The following PCDH15 variants were observed in gnomAD, a reference collection of about 807,000 sequenced individuals.
The protein encoded by PCDH15 is protocadherin-15.
PCDH15 carries 129 observed loss-of-function variants against 178.5 expected under a neutral mutation model. The ratio of observed to expected loss-of-function variants is 0.72; its 90% CI spans 0.63 to 0.84. The LOEUF (loss-of-function observed/expected upper bound fraction) is 0.84, where lower values mean the gene tolerates loss of function less well. Ranked by LOEUF, PCDH15 falls within the 40% of genes least tolerant of loss-of-function variation. PCDH15 has a pLI of 0.00. For missense variants in PCDH15, 2,230 were observed against 2,099.9 expected (o/e 1.06, Z -1.21); for synonymous variants, 800 against 732.0 (o/e 1.09, Z -1.50).
chr10:54,896,663 A>G (rs1016754658), intron 3 of PCDH15, among the ~76,000 whole-genome samples: 92 of 152,236 alleles, frequency 6.0e-4, no homozygotes, highest in African/African-American at 2.2e-3. Flanking sequence ...TTTACTTTTC[A>G]GATTTTAATA....
intron 2 of PCDH15, among the ~76,000 whole-genome samples, chr10:55,411,737 G>C (rs1838337717): frequency 6.6e-6 from 1 of 152,088 alleles, no homozygotes; most frequent in Non-Finnish European, 1.5e-5. Flanking sequence ...TGATGGCTTA[G>C]TCAAAGAGAA....
chr10:54,157,740 TTC>T (rs2045307284), intron 13 of PCDH15, among the ~76,000 whole-genome samples: 2 of 152,198 alleles, frequency 1.3e-5, no homozygotes, highest in South Asian at 2.1e-4. Flanking sequence ...AACTTTTATG[TTC>T]TGTTTCCATT....
chr10:54,340,587 G>A (rs1451725468), intron 6 of PCDH15, among the ~76,000 whole-genome samples: 1 of 152,106 alleles, frequency 6.6e-6, no homozygotes, highest in African/African-American at 2.4e-5. Context: ...GAGAGATTGA[G>A]GTGAGTTTTA....
intron 1 of PCDH15, among the ~76,000 whole-genome samples, chr10:55,266,303 C>A (rs886609314): frequency 1.3e-5 from 2 of 152,092 alleles, no homozygotes; most frequent in Non-Finnish European, 2.9e-5. Context: ...CTTAGATAGA[C>A]CCCTGGGAGG....
At chr10:54,256,936 G>A (rs2056937373) in intron 8 of PCDH15, among the ~76,000 whole-genome samples, 1 of 152,032 alleles carries the variant, frequency 6.6e-6, no homozygotes. Context: ...TAAGCTCCCT[G>A]AAGCAGTAAA....
intron 2 of PCDH15, among the ~76,000 whole-genome samples, chr10:55,574,983 A>G (rs1842470908): frequency 6.6e-6 from 1 of 152,106 alleles, no homozygotes; most frequent in South Asian, 2.1e-4. Context: ...ACTTTCAAAT[A>G]GGAAGCAAAG....
At chr10:54,483,645 A>C (rs2078884204) in intron 3 of PCDH15, among the ~76,000 whole-genome samples, 1 of 151,916 alleles carries the variant, frequency 6.6e-6, no homozygotes, top group Non-Finnish European at 1.5e-5. Context: ...AAATGAAATA[A>C]AAGAAACAGA....
At chr10:53,903,398 T>C in intron 25 of PCDH15, 28 bp from the exon 26 acceptor site, 1 of 1,609,954 alleles carries the variant, frequency 6.2e-7, no homozygotes, top group Non-Finnish European at 8.5e-7. Context: ...ATGCATTTTT[T>C]ATTGGTGGTT....
chr10:53,989,187 G>GT (rs1486068892), intron 21 of PCDH15, among the ~76,000 whole-genome samples: 4 of 152,116 alleles, frequency 2.6e-5, no homozygotes, highest in African/African-American at 9.7e-5. Context: ...CTTTTAGTCT[G>GT]TTTACCTGCT....
intron 2 of PCDH15, chr10:54,600,684 G>T: frequency 1.8e-6 from 1 of 567,360 alleles, no homozygotes; most frequent in South Asian, 1.4e-5. Flanking sequence ...GAGTGACTAA[G>T]ATTTGAGTCC....
At chr10:54,227,512 C>A (rs1331621574) in intron 9 of PCDH15, among the ~76,000 whole-genome samples, 1 of 152,188 alleles carries the variant, frequency 6.6e-6, no homozygotes, top group African/African-American at 2.4e-5. Context: ...GGCCTCCAGG[C>A]TGGTGGTGGG....
chr10:54,566,907 C>A lies in PCDH15; in HGVS notation c.92-39030G>T, dbSNP rs531807249. ...CATCTTTAGTTTTGTAAGAAACTTT[C>A]AGATTGTCTTCCAAAGGCACTGTGT... On this transcript the variant is annotated intron_variant, in intron 2 of 37. Transcript: ENST00000644397. Among the ~76,000 whole-genome samples, 3 of 152,156 alleles carry A rather than the reference C, an allele frequency of 2.0e-5. No individual in the cohort carries two copies. In the South Asian group the frequency reaches 6.2e-4, roughly 32 times the overall value.
intron 1 of PCDH15, among the ~76,000 whole-genome samples, chr10:54,667,898 G>A (rs900744320): frequency 3.3e-5 from 5 of 151,988 alleles, no homozygotes; most frequent in African/African-American, 1.2e-4. Context: ...ATAGTATTCT[G>A]TTGTCAAAAT....
chr10:55,237,453 A>G (rs1444835182), intron 1 of PCDH15, among the ~76,000 whole-genome samples: 3 of 152,234 alleles, frequency 2.0e-5, no homozygotes, highest in East Asian at 3.9e-4. Flanking sequence ...CAGTCTTTCC[A>G]TTTTACAAAT....
chr10:55,388,804 T>C (rs1258144677), intron 2 of PCDH15, among the ~76,000 whole-genome samples: 3 of 152,130 alleles, frequency 2.0e-5, no homozygotes, highest in Non-Finnish European at 4.4e-5. Flanking sequence ...TTTACCAATA[T>C]ATTGGATAGA....
intron 2 of PCDH15, among the ~76,000 whole-genome samples, chr10:55,156,466 T>C (rs116761624): frequency 6.6e-6 from 1 of 152,060 alleles, no homozygotes; most frequent in African/African-American, 2.4e-5. Flanking sequence ...GGCACCTCCA[T>C]GTGGCAGTTT....
At position 55,517,914 on chromosome 10, in the gene PCDH15, G is replaced by GATTT. The variant is rs1372804833; in HGVS notation, c.-156+109707_-156+109710dup. ...CTAGACCTAAACCTTGGCCTATGAA[G>GATTT]ATTTGAGCAAAACAGTAACATAGTT... On this transcript the variant is annotated intron_variant, in intron 2 of 5. Transcript: ENST00000613346. Among the ~76,000 whole-genome samples the GATTT allele has an allele frequency of 7.9e-5, 12 of 152,088 alleles. No individual in the cohort carries two copies. In the Middle Eastern group the frequency reaches 0.017, roughly 216 times the overall value.
intron 2 of PCDH15, among the ~76,000 whole-genome samples, chr10:54,982,181 G>T (rs1017644): frequency 1.3e-5 from 2 of 152,032 alleles, no homozygotes; most frequent in Non-Finnish European, 2.9e-5. Context: ...TCAATAAAGA[G>T]ACGTAAAGTG....
chr10:55,372,439 A>C (rs1269091599), intron 2 of PCDH15, among the ~76,000 whole-genome samples: 1 of 152,166 alleles, frequency 6.6e-6, no homozygotes, highest in African/African-American at 2.4e-5. Flanking sequence ...AATCCCTTAA[A>C]AATCAAAAAA....
Sources: allele counts gnomAD v4.1 joint callset (sites outside exome capture counted in the v4.1 genomes callset), GRCh38; gene constraint gnomAD v4.1.1; transcripts MANE v1.5; gene names NCBI Gene and HGNC (gene_info 2026-07-23, HGNC 2026-07-21).